Variants in TOX observed in about 807,000 individuals in gnomAD.
TOX encodes the protein thymocyte selection associated high mobility group box.
In TOX, 11 loss-of-function variants were observed where a neutral mutation model predicts 53.7. The observed-to-expected ratio is 0.20, with a 90% CI of 0.13 to 0.34. TOX has a LOEUF of 0.34. Among genes scored for constraint, TOX ranks in the 10% least tolerant of loss-of-function variants. The pLI, the probability that TOX is intolerant of heterozygous loss-of-function variation, is 1.00. For synonymous variants in TOX, 225 were observed against 245.3 expected, an observed-to-expected ratio of 0.92 and a Z score of 0.77; for missense variants, 570 against 664.6, an observed-to-expected ratio of 0.86 and a Z score of 1.56.
At chr8:58,979,215 G>A (rs960866579) in intron 1 of TOX, among the ~76,000 whole-genome samples, 3 of 152,184 alleles carry the variant, frequency 2.0e-5, no homozygotes, top group Admixed American at 1.3e-4. Context: ...TTCTTGTGCT[G>A]TTCCATACTC....
At chr8:59,018,528 A>C (rs1814057422) in intron 1 of TOX, among the ~76,000 whole-genome samples, 1 of 152,186 alleles carries the variant, frequency 6.6e-6, no homozygotes, top group Non-Finnish European at 1.5e-5. Context: ...AAGGTTAAAC[A>C]AGTCAATGAA....
chr8:58,859,216 TA>T (rs1810965987), intron 3 of TOX, among the ~76,000 whole-genome samples: 2 of 152,174 alleles, frequency 1.3e-5, no homozygotes, highest in Non-Finnish European at 2.9e-5. Context: ...TGAACACTGA[TA>T]ATTAACAATG....
At chr8:59,046,858 C>CAAAAAAAAAAAAAAA (rs34869193) in intron 1 of TOX, among the ~76,000 whole-genome samples, 5 of 77,910 alleles carry the variant, frequency 6.4e-5, no homozygotes, top group African/African-American at 1.0e-4. Flanking sequence ...GACTATGTCT[C>CAAAAAAAAAAAAAAA]AAAAAAAAAA....
chr8:59,064,601 T>C (rs939583570), intron 1 of TOX, among the ~76,000 whole-genome samples: 5 of 152,178 alleles, frequency 3.3e-5, no homozygotes, highest in African/African-American at 1.2e-4. Flanking sequence ...AGTCAAAACA[T>C]ATATAAACTC....
rs537827254 is a variant in TOX at position 58,816,025 on chromosome 8, G to A, written c.1006-301C>T. 5.1e-4 allele frequency among the ~76,000 whole-genome samples: 78 copies of A among 152,356 alleles called. No homozygotes were observed. In the South Asian group the frequency reaches 8.1e-3, roughly 16 times the overall value. Reference sequence around the variant, plus strand: ...AGGGTGACAAGATGGGTTTGTGGAGGGTGGGGGACGGGAGAAGGCAGATGC... The same window carrying A: ...AGGGTGACAAGATGGGTTTGTGGAGAGTGGGGGACGGGAGAAGGCAGATGC... On this transcript the variant is annotated intron_variant, in intron 6 of 8. Coordinates refer to ENST00000361421, the MANE Select transcript of TOX (RefSeq NM_014729.3).
chr8:58,821,923 C>T (rs954341253), intron 6 of TOX, among the ~76,000 whole-genome samples: 3 of 152,062 alleles, frequency 2.0e-5, no homozygotes, highest in East Asian at 1.9e-4. Flanking sequence ...CAGATCCACC[C>T]GCCCCAGAGA....
intron 1 of TOX, among the ~76,000 whole-genome samples, chr8:59,072,448 A>G (rs1019574070): frequency 6.6e-6 from 1 of 152,226 alleles, no homozygotes; most frequent in Non-Finnish European, 1.5e-5. Flanking sequence ...GGTTCCTGAT[A>G]AAGAATAAGA....
At position 58,815,369 on chromosome 8, in the gene TOX, T is replaced by C. The variant is rs140905014; in HGVS notation, c.1361A>G (p.Gln454Arg). The change falls in exon 7 of 9, where the codon CAG becomes CGG. Residue 454 changes from glutamine to arginine, a missense_variant. Around this residue, in one of 3 missense-constraint regions of TOX, gnomAD observed 239 missense variants for 250.7 expected, o/e 0.95. Coordinates refer to ENST00000361421, the MANE Select transcript of TOX (RefSeq NM_014729.3). ...CATGGTGGGTGAGTGTAAGGCAGACTGGACCTGCATGGGGAGCTGGTTCCC... is the reference window on the plus strand; with the variant it reads ...CATGGTGGGTGAGTGTAAGGCAGACCGGACCTGCATGGGGAGCTGGTTCCC... ...PLGNQLPMQV[Q>R]SALHSPTMQQ... The C allele has an allele frequency of 7.3e-5, 118 of 1,609,946 alleles. No homozygotes were observed. Among genetic ancestry groups the C allele is most frequent in the Admixed American group, 2.7e-4 (16 of 59,782 alleles).
intron 1 of TOX, among the ~76,000 whole-genome samples, chr8:59,042,324 G>A (rs1231175041): frequency 6.6e-6 from 1 of 152,110 alleles, no homozygotes; most frequent in Non-Finnish European, 1.5e-5. Flanking sequence ...ACTTAATACT[G>A]AAGTCAGAAC....
At chr8:59,068,578 T>C (rs1489032842) in intron 1 of TOX, among the ~76,000 whole-genome samples, 1 of 152,228 alleles carries the variant, frequency 6.6e-6, no homozygotes, top group Non-Finnish European at 1.5e-5. Context: ...CTTACTCTTC[T>C]TGTGTATCAG....
intron 1 of TOX, among the ~76,000 whole-genome samples, chr8:59,041,941 G>A (rs1310813741): frequency 6.6e-6 from 1 of 152,138 alleles, no homozygotes; most frequent in East Asian, 1.9e-4. Flanking sequence ...TGTACGTTAT[G>A]TAAGTTTTCC....
At chr8:58,988,989 C>T (rs933622875) in intron 1 of TOX, among the ~76,000 whole-genome samples, 4 of 152,168 alleles carry the variant, frequency 2.6e-5, no homozygotes, top group Non-Finnish European at 5.9e-5. Context: ...AATTTTTCTC[C>T]TCCAAGAACC....
chr8:59,023,913 G>A (rs1563421557), intron 1 of TOX, among the ~76,000 whole-genome samples: 1 of 152,192 alleles, frequency 6.6e-6, no homozygotes, highest in Admixed American at 6.5e-5. Flanking sequence ...CTTCAGTTAA[G>A]TTATGGGAAA....
At chr8:58,892,766 A>G (rs969368022) in intron 3 of TOX, among the ~76,000 whole-genome samples, 11 of 152,162 alleles carry the variant, frequency 7.2e-5, no homozygotes, top group African/African-American at 2.4e-4. Context: ...TCAGCACCTC[A>G]CTATTTCTAG....
intron 1 of TOX, among the ~76,000 whole-genome samples, chr8:58,993,337 T>C (rs1380177908): frequency 3.9e-5 from 6 of 152,222 alleles, no homozygotes; most frequent in African/African-American, 1.4e-4. Flanking sequence ...TATTTATGGC[T>C]GGACCCTTTT....
chr8:58,865,238 T>C (rs1274411817), intron 3 of TOX, among the ~76,000 whole-genome samples: 1 of 152,156 alleles, frequency 6.6e-6, no homozygotes, highest in East Asian at 1.9e-4. Context: ...ATATGTTGAT[T>C]ATAATGACTC....
intron 3 of TOX, among the ~76,000 whole-genome samples, chr8:58,862,690 T>C (rs1183730772): frequency 6.6e-6 from 1 of 152,122 alleles, no homozygotes; most frequent in Non-Finnish European, 1.5e-5. Context: ...TTAGAAGTAT[T>C]CTCTGGTTTT....
chr8:58,994,747 C>T (rs1813526890), intron 1 of TOX, among the ~76,000 whole-genome samples: 1 of 152,182 alleles, frequency 6.6e-6, no homozygotes, highest in Admixed American at 6.5e-5. Flanking sequence ...GGCCCATCTC[C>T]CCACTTCACC....
intron 3 of TOX, among the ~76,000 whole-genome samples, chr8:58,931,330 CAAA>C (rs113247058): frequency 7.3e-6 from 1 of 137,638 alleles, no homozygotes; most frequent in Admixed American, 7.3e-5. Flanking sequence ...TCATAAATGT[CAAA>C]AAAAAAAAGA....
Sources: gnomAD v4.1 joint callset for allele counts (sites outside exome capture counted in the v4.1 genomes callset) on GRCh38, gnomAD v4.1.1 for gene constraint, gnomAD v4.1.1 regional missense constraint, MANE v1.5 for transcripts, NCBI Gene and HGNC (gene_info 2026-07-23, HGNC 2026-07-21) for gene names.